CALD1: variants seen among roughly 807,000 people sequenced by gnomAD.
The protein encoded by CALD1 is caldesmon 1, also known as caldesmon.
In CALD1, 33 loss-of-function variants were observed where a neutral mutation model predicts 99.9. That is an observed-to-expected ratio of 0.33 (90% CI 0.25 to 0.44). The LOEUF is 0.44. Ranked by LOEUF, CALD1 falls within the 20% of genes least tolerant of loss-of-function variation. The pLI, the probability that CALD1 is intolerant of heterozygous loss-of-function variation, is 1.00. For missense variants in CALD1, 861 were observed against 962.1 expected, an observed-to-expected ratio of 0.89 and a Z score of 1.39; for synonymous variants, 310 against 325.0, an observed-to-expected ratio of 0.95 and a Z score of 0.50.
intron 1 of CALD1, among the ~76,000 whole-genome samples, chr7:134,817,742 G>T (rs1179458108): frequency 6.6e-6 from 1 of 152,100 alleles, no homozygotes; most frequent in Non-Finnish European, 1.5e-5. Context: ...AAATCCATTG[G>T]TGCAAAGTTT....
At chr7:134,908,470 G>A (rs1195575825) in intron 3 of CALD1, among the ~76,000 whole-genome samples, 1 of 151,992 alleles carries the variant, frequency 6.6e-6, no homozygotes, top group Non-Finnish European at 1.5e-5. Context: ...TGAATGACTC[G>A]ACACTGCCTT....
At chr7:134,793,509 T>G (rs977936529) in intron 1 of CALD1, among the ~76,000 whole-genome samples, 5 of 152,248 alleles carry the variant, frequency 3.3e-5, no homozygotes, top group African/African-American at 9.6e-5. Flanking sequence ...GTATTTTATT[T>G]TAGCCTTTTT....
intron 14 of CALD1, among the ~76,000 whole-genome samples, chr7:134,966,730 T>G (rs1808707571): frequency 6.6e-6 from 1 of 152,172 alleles, no homozygotes; most frequent in Non-Finnish European, 1.5e-5. Flanking sequence ...GTATAGTTAT[T>G]CAATTCCTTG....
At chr7:134,730,161 C>T in the CALD1 span, among the ~76,000 whole-genome samples, 1 of 151,998 alleles carries the variant, frequency 6.6e-6, no homozygotes, top group Non-Finnish European at 1.5e-5. Flanking sequence ...GATTCAAATC[C>T]TGTCCTCATT....
chr7:134,947,158 C>T (rs889639997), intron 7 of CALD1, among the ~76,000 whole-genome samples: 1 of 151,940 alleles, frequency 6.6e-6, no homozygotes, highest in African/African-American at 2.4e-5. Context: ...GCTTTCCATT[C>T]TTTTAGAAGT....
chr7:134,790,406 G>A (rs952932102), intron 1 of CALD1, among the ~76,000 whole-genome samples: 1 of 152,138 alleles, frequency 6.6e-6, no homozygotes, highest in African/African-American at 2.4e-5. Flanking sequence ...AAATGCCAGA[G>A]CTGTTCAAAG....
chr7:134,877,056 TATA>T (rs1801384853), intron 3 of CALD1, among the ~76,000 whole-genome samples: 1 of 152,182 alleles, frequency 6.6e-6, no homozygotes, highest in African/African-American at 2.4e-5. Flanking sequence ...AGTTCTTCCT[TATA>T]AGGTTTAATG....
At chr7:134,805,059 G>C (rs1295178248) in intron 1 of CALD1, among the ~76,000 whole-genome samples, 1 of 152,214 alleles carries the variant, frequency 6.6e-6, no homozygotes, top group African/African-American at 2.4e-5. Flanking sequence ...GTCCTCTTGA[G>C]CTTAGTCAGC....
intron 2 of CALD1, among the ~76,000 whole-genome samples, chr7:134,859,902 A>G (rs1357433042): frequency 2.0e-5 from 3 of 152,202 alleles, no homozygotes; most frequent in Non-Finnish European, 4.4e-5. Context: ...AGGTGAAAGA[A>G]AGGGCATAAA....
At chr7:134,928,372 T>A (rs1586333576) in intron 3 of CALD1, among the ~76,000 whole-genome samples, 1 of 128,984 alleles carries the variant, frequency 7.8e-6, no homozygotes, top group African/African-American at 3.0e-5. Context: ...GAGGTGGCAG[T>A]GAGCCGAGAT....
At chr7:134,767,876 C>T (rs1445412932) in intron 1 of CALD1, among the ~76,000 whole-genome samples, 2 of 152,234 alleles carry the variant, frequency 1.3e-5, no homozygotes, top group Non-Finnish European at 2.9e-5. Context: ...CTAAGCCTTG[C>T]AGGTAACAGA....
intron 1 of CALD1, among the ~76,000 whole-genome samples, chr7:134,765,953 T>C (rs1370662647): frequency 6.6e-6 from 1 of 151,978 alleles, no homozygotes; most frequent in African/African-American, 2.4e-5. Flanking sequence ...ATGGCACCTC[T>C]CTCTCTCTCT....
chr7:134,835,757 G>C (rs1209004381), intron 1 of CALD1, among the ~76,000 whole-genome samples: 2 of 152,082 alleles, frequency 1.3e-5, no homozygotes, highest in Non-Finnish European at 2.9e-5. Context: ...GTCAAAAATT[G>C]AGAGTCTAAT....
At chr7:134,753,671 G>A (rs926796134) in intron 1 of CALD1, among the ~76,000 whole-genome samples, 1 of 152,208 alleles carries the variant, frequency 6.6e-6, no homozygotes, top group African/African-American at 2.4e-5. Flanking sequence ...CAGAGATGCA[G>A]AAATGCACAC....
the CALD1 span, among the ~76,000 whole-genome samples, chr7:134,737,318 G>A: frequency 2.0e-5 from 3 of 151,476 alleles, no homozygotes; most frequent in African/African-American, 7.3e-5. Context: ...TTGTAGAGGC[G>A]GGGTTTTGCC....
At chr7:134,794,728 C>G (rs1463624114) in intron 1 of CALD1, among the ~76,000 whole-genome samples, 3 of 152,182 alleles carry the variant, frequency 2.0e-5, no homozygotes, top group African/African-American at 7.2e-5. Context: ...CTCAAGTGAT[C>G]TGCCCGCCTC....
chr7:134,880,358 A>G (rs1177407720), intron 3 of CALD1, among the ~76,000 whole-genome samples: 1 of 152,164 alleles, frequency 6.6e-6, no homozygotes, highest in African/African-American at 2.4e-5. Flanking sequence ...AGAAAACTTT[A>G]CACTGTTGGA....
At chr7:134,886,586 T>C (rs1801860143) in intron 3 of CALD1, among the ~76,000 whole-genome samples, 1 of 152,348 alleles carries the variant, frequency 6.6e-6, no homozygotes, top group South Asian at 2.1e-4. Flanking sequence ...AGAGTTGTTA[T>C]AGTCAGGCTG....
intron 1 of CALD1, among the ~76,000 whole-genome samples, chr7:134,807,237 A>C (rs1431192617): frequency 6.6e-6 from 1 of 152,162 alleles, no homozygotes; most frequent in Non-Finnish European, 1.5e-5. Context: ...AGACCTGAAG[A>C]CCTCAGATTT....
Sources: gnomAD v4.1 joint callset for allele counts (sites outside exome capture counted in the v4.1 genomes callset) on GRCh38, gnomAD v4.1.1 for gene constraint, MANE v1.5 for transcripts, NCBI Gene and HGNC (gene_info 2026-07-23, HGNC 2026-07-21) for gene names.